Variants in ZNF619 observed in about 807,000 individuals in gnomAD.
The protein encoded by ZNF619 is zinc finger protein 619.
Under a neutral mutation model 14.2 loss-of-function variants are expected in ZNF619, and 9 were observed. The observed-to-expected ratio is 0.64, with a 90% CI of 0.38 to 1.11. The LOEUF is 1.11. Ranked by LOEUF, ZNF619 falls within the 50% of genes least tolerant of loss-of-function variation. The pLI is 0.01. For synonymous variants in ZNF619, 246 were observed against 252.8 expected (o/e 0.97, Z 0.26); for missense variants, 659 against 680.1 (o/e 0.97, Z 0.34).
intron 4 of ZNF619, 90 bp from the exon 5 acceptor site, chr3:40,486,715 AT>A (rs1697591037): frequency 5.8e-6 from 6 of 1,030,338 alleles, no homozygotes; most frequent in African/African-American, 3.2e-5. Flanking sequence ...AAAAAAAAAA[AT>A]TCATGTGTCT....
Position 40,486,892 on chromosome 3 carries a change from G to T in ZNF619, c.382G>T (p.Gly128Ter), listed in dbSNP as rs1697597997. The T allele has an allele frequency of 1.2e-6, 2 of 1,613,980 alleles. No individual in the cohort carries two copies. Among genetic ancestry groups the T allele is most frequent in the Non-Finnish European group, 1.7e-6 (2 of 1,180,042 alleles). ...ESESHRLIVE[G>*]LLMDVPQHPD... ...AGAGTCCCACAGACTGATAGTGGAGGGACTGCTGATGGACGTTCCCCAGCA... is the reference window on the plus strand; with the variant it reads ...AGAGTCCCACAGACTGATAGTGGAGTGACTGCTGATGGACGTTCCCCAGCA... The change falls in exon 5 of 5, where the codon GGA (glycine) becomes TGA (stop). Residue 128 changes from glycine (G) to a stop codon, truncating the protein, a stop_gained. Transcript: ENST00000432264. LOFTEE classifies it low-confidence loss of function (END_TRUNC).
At chr3:40,479,002 C>T (rs962846199) in intron 2 of ZNF619, among the ~76,000 whole-genome samples, 3 of 152,070 alleles carry the variant, frequency 2.0e-5, no homozygotes, top group African/African-American at 4.8e-5. Flanking sequence ...GTGGATTAAA[C>T]GAGGTAAAGG....
At chr3:40,478,521 G>A (rs149333506) in intron 2 of ZNF619, among the ~76,000 whole-genome samples, 385 of 152,338 alleles carry the variant, frequency 2.5e-3, no homozygotes, top group Middle Eastern at 6.8e-3. Context: ...TGTGGAAAAT[G>A]TAGATTGATG....
chr3:40,477,805 G>A (rs558821189), intron 1 of ZNF619, 113 bp from the exon 2 acceptor site: 2 of 620,840 alleles, frequency 3.2e-6, no homozygotes, highest in East Asian at 2.8e-5. Context: ...GAGGGTGAAT[G>A]ACAGCAGCTA....
intron 3 of ZNF619, 65 bp downstream of exon 3, chr3:40,482,081 C>T: frequency 6.4e-7 from 1 of 1,554,638 alleles, no homozygotes; most frequent in Non-Finnish European, 8.7e-7. Context: ...TCCTCCTTAG[C>T]AGAACTAGGA....
chr3:40,482,407 C>G, intron 3 of ZNF619, 181 bp from the exon 4 acceptor site: 1 of 1,597,252 alleles, frequency 6.3e-7, no homozygotes, highest in East Asian at 2.2e-5. Flanking sequence ...AGCATTCTGT[C>G]CTCTTAGAGG....
Position 40,487,659 on chromosome 3 carries a change from C to T in ZNF619, c.1149C>T (p.Arg383=), listed in dbSNP as rs771872444. 1.2e-5 allele frequency: 19 copies of T among 1,613,226 alleles called. No homozygotes were observed. The highest frequency in any genetic ancestry group is 1.6e-5 in the Non-Finnish European group (19 of 1,179,846). ...ECKECGKAFH[R]SSVFLQHQRF... ...AAGAGTGTGGCAAGGCCTTCCACCG[C>T]AGTTCGGTATTTCTTCAGCACCAGA... Residue 383 remains arginine, a synonymous_variant, in exon 5 of 5, where the codon CGC becomes CGT. Coordinates refer to ENST00000432264, the MANE Select transcript of ZNF619 (RefSeq NM_001145093.4).
chr3:40,484,854 C>T (rs866297184), intron 4 of ZNF619, among the ~76,000 whole-genome samples: 8 of 152,260 alleles, frequency 5.3e-5, no homozygotes, highest in South Asian at 4.1e-4. Context: ...TTCAAACTCT[C>T]GTATGTATCA....
At chr3:40,483,704 C>G (rs1426984294) in intron 4 of ZNF619, 1 of 443,898 alleles carries the variant, frequency 2.3e-6, no homozygotes, top group Non-Finnish European at 4.5e-6. Context: ...TCTTCACTCA[C>G]CGCAACCTCT....
intron 4 of ZNF619, among the ~76,000 whole-genome samples, chr3:40,486,414 G>C (rs750166321): frequency 2.0e-5 from 3 of 152,182 alleles, no homozygotes; most frequent in Admixed American, 2.0e-4. Context: ...TCTAGTGGGC[G>C]TGGTGGCTCA....
chr3:40,478,106 C>A, intron 2 of ZNF619, 103 bp downstream of exon 2: 4 of 1,106,922 alleles, frequency 3.6e-6, no homozygotes, highest in Non-Finnish European at 3.9e-6. Context: ...AGTTTTACAT[C>A]CTTCAATAAA....
chr3:40,484,443 T>C (rs1331184050), intron 4 of ZNF619, among the ~76,000 whole-genome samples: 1 of 152,258 alleles, frequency 6.6e-6, no homozygotes, highest in African/African-American at 2.4e-5. Context: ...TTCCTTATTC[T>C]ATGGGCTCTG....
chr3:40,483,759 G>A (rs1213545180), intron 4 of ZNF619: 2 of 383,832 alleles, frequency 5.2e-6, no homozygotes, highest in South Asian at 1.9e-5. Flanking sequence ...CTCCCAAGTA[G>A]CTGGGATTAT....
intron 1 of ZNF619, 198 bp from the exon 2 acceptor site, chr3:40,477,720 G>GAA (rs1697240057): frequency 2.1e-6 from 1 of 486,078 alleles, no homozygotes. Context: ...TCTTTCTAGA[G>GAA]TTTCCAGTGT....
chr3:40,483,165 C>T (rs1697462893), intron 4 of ZNF619, among the ~76,000 whole-genome samples: 1 of 152,166 alleles, frequency 6.6e-6, no homozygotes, highest in Admixed American at 6.5e-5. Context: ...GCTAGGATCA[C>T]ACCATTCCAC....
At position 40,490,641 on chromosome 3, in the gene ZNF619, A is replaced by G. The variant is rs1697776879; in HGVS notation, c.*2400A>G. 1.3e-5 allele frequency among the ~76,000 whole-genome samples: 2 copies of G among 152,210 alleles called. 1 individual carries two copies. Among genetic ancestry groups the G allele is most frequent in the Non-Finnish European group, 2.9e-5 (2 of 68,042 alleles). ...CAAAATGACAAGGATACAGACCTTT[A>G]TGATGATCCATATAATATAGTGAAT... On this transcript the variant is annotated 3_prime_UTR_variant, in exon 5 of 5. Transcript: ENST00000432264.
At position 40,490,266 on chromosome 3, in the gene ZNF619, C is replaced by T. The variant is rs1218695512; in HGVS notation, c.*2025C>T. The T allele has an allele frequency of 6.6e-6, 1 of 152,182 alleles. No individual in the cohort carries two copies. The highest frequency in any genetic ancestry group is 1.5e-5 in the Non-Finnish European group (1 of 68,050). 9.4% of individuals were successfully genotyped at this position (152,182 alleles called of 1,614,324 possible). A position where few individuals can be genotyped will look rare whatever the true frequency, so the allele number is the denominator to read the frequency against. On this transcript the variant is annotated 3_prime_UTR_variant, in exon 5 of 5. Transcript: ENST00000432264. ...AGTCTATGGTATTCAGTTAGAGCCA[C>T]ACAAAATGTAACAAGACAGAATATT...
intron 3 of ZNF619, chr3:40,482,223 A>G (rs1559536538): frequency 6.4e-7 from 1 of 1,551,408 alleles, no homozygotes; most frequent in Non-Finnish European, 8.7e-7. Flanking sequence ...CCTGGTTCCT[A>G]ATGGAGACCC....
rs759482596 is a variant in ZNF619, at chr3:40,487,434, A to T, written c.924A>T (p.Arg308Ser). ...ATTCAAAACTGATTCGGCATCAGAG[A>T]ATCCATACTGGGGAGAAGCCCTTTA... ...SYNSKLIRHQ[R>S]IHTGEKPFKC... The change falls in exon 5 of 5, where the codon AGA (arginine) becomes AGT (serine). Residue 308 changes from arginine (R) to serine (S), a missense_variant. By Grantham distance (110) the Arg-to-Ser change is moderately radical. Transcript: ENST00000432264. The T allele has an allele frequency of 6.2e-7, 1 of 1,614,252 alleles. No individual in the cohort carries two copies. The highest frequency in any genetic ancestry group is 1.1e-5 in the South Asian group (1 of 91,084).
Sources: gnomAD v4.1 joint callset for allele counts (sites outside exome capture counted in the v4.1 genomes callset) on GRCh38, gnomAD v4.1.1 for gene constraint, MANE v1.5 for transcripts, NCBI Gene and HGNC (gene_info 2026-07-23, HGNC 2026-07-21) for gene names.